Variants in CHD6 observed in about 807,000 individuals in gnomAD.
The protein encoded by CHD6 is ATP-dependent chromatin remodeler CHD6.
CHD6 carries 50 observed loss-of-function variants against 276.9 expected under a neutral mutation model. That is an observed-to-expected ratio of 0.18 (90% confidence interval 0.14 to 0.23). The LOEUF is 0.23. CHD6 is among the 10% of genes least tolerant of loss of function. The pLI is 1.00. For synonymous variants in CHD6, 1,173 were observed against 1,229.3 expected, an observed-to-expected ratio of 0.95 and a Z score of 0.96; for missense variants, 2,564 against 3,365.8, an observed-to-expected ratio of 0.76 and a Z score of 5.89.
In CHD6 at chr20:41,473,837, T is replaced by C. The variant is rs541800488; in HGVS notation, c.2469-320A>G. Among the ~76,000 whole-genome samples, 2 of 152,268 alleles carry C rather than the reference T, an allele frequency of 1.3e-5. No individual in the cohort carries two copies. Among genetic ancestry groups the C allele is most frequent in the South Asian group, 2.1e-4 (1 of 4,818 alleles). On this transcript the variant is annotated intron_variant, in intron 16 of 36. Coordinates refer to ENST00000373233, the MANE Select transcript of CHD6 (RefSeq NM_032221.5). The surrounding 1 kb of genome is among the most constrained non-coding windows in gnomAD (Gnocchi z 4.1). The stretch of plus-strand genomic sequence containing the variant: ...CGATCCCCATAGCCCAAGCAACTTA[T>C]TCTCTCAAGTATTCCCAGTTTATAC...
chr20:41,565,159 C>A (rs546137013), intron 1 of CHD6, among the ~76,000 whole-genome samples: 1 of 151,116 alleles, frequency 6.6e-6, no homozygotes, highest in African/African-American at 2.4e-5. Flanking sequence ...TGCAGTGGCG[C>A]GATCTCAGCT....
rs184284832 is a variant in CHD6, at chr20:41,470,540, A to G, written c.2664+2782T>C. 2.7e-4 allele frequency among the ~76,000 whole-genome samples: 41 copies of G among 152,306 alleles called. No homozygotes were observed. The East Asian group carries it at 4.3e-3, about 16-fold the overall frequency. On this transcript the variant is annotated intron_variant, in intron 17 of 36. Coordinates refer to ENST00000373233, the MANE Select transcript of CHD6 (RefSeq NM_032221.5). ...GAGGAAGTTCAGAAACTGACTCAACACACTAGTAAAGTTCACACTATCCAA... is the reference window on the plus strand; with the variant it reads ...GAGGAAGTTCAGAAACTGACTCAACGCACTAGTAAAGTTCACACTATCCAA...
In CHD6 at chr20:41,557,534, G is replaced by A. The variant is rs2045254457; in HGVS notation, c.-23-6174C>T. 4.6e-5 allele frequency among the ~76,000 whole-genome samples: 7 copies of A among 151,742 alleles called. 1 individual carries two copies. In the South Asian group the frequency reaches 1.2e-3, roughly 27 times the overall value. ...TTTTAAAAAATAACAAAAAAATCAG[G>A]TTCACCCTATTCAACCATTTATTCA... On this transcript the variant is annotated intron_variant, in intron 1 of 36. Coordinates refer to ENST00000373233, the MANE Select transcript of CHD6 (RefSeq NM_032221.5).
At chr20:41,545,181 T>C (rs909151080) in intron 2 of CHD6, among the ~76,000 whole-genome samples, 2 of 152,158 alleles carry the variant, frequency 1.3e-5, no homozygotes, top group Non-Finnish European at 2.9e-5. Context: ...CATTTAACTC[T>C]TTTCCACGTG....
intron 1 of CHD6, among the ~76,000 whole-genome samples, chr20:41,566,763 T>C (rs758819451): frequency 6.6e-6 from 1 of 152,168 alleles, no homozygotes; most frequent in Non-Finnish European, 1.5e-5. Context: ...CCCTGGGTGG[T>C]GTGTGGTGTC....
rs1262303217 is a variant in CHD6, at chr20:41,445,771, A to G, written c.3774-3T>C. On this transcript the variant is annotated splice_polypyrimidine_tract_variant and splice_region_variant and intron_variant, in intron 24 of 36. Transcript: ENST00000373233. ...CAGGCAGAGGTACATCCAGCTCCCT[A>G]GGGAAGGAAGGGTGTAGACTCAAAA... is the stretch of plus-strand genomic sequence containing the variant. The G allele has an allele frequency of 6.3e-7, 1 of 1,591,804 alleles. No homozygotes were observed. Among genetic ancestry groups the G allele is most frequent in the Non-Finnish European group, 8.6e-7 (1 of 1,159,814 alleles).
chr20:41,451,787 G>C, intron 22 of CHD6, 39 bp downstream of exon 22: 1 of 1,569,044 alleles, frequency 6.4e-7, no homozygotes, highest in South Asian at 1.1e-5. Flanking sequence ...GAAGTGCATG[G>C]GAATCGTGCT....
chr20:41,477,709 A>C (rs2145803231), intron 16 of CHD6, among the ~76,000 whole-genome samples: 1 of 152,338 alleles, frequency 6.6e-6, no homozygotes, highest in South Asian at 2.1e-4. Context: ...TTTGATTTGA[A>C]GAAGGCAGAA....
Position 41,423,602 on chromosome 20 carries a change from C to T in CHD6, c.4445G>A (p.Arg1482His). The T allele has an allele frequency of 6.2e-7, 1 of 1,614,174 alleles. No individual in the cohort carries two copies. Among genetic ancestry groups the T allele is most frequent in the Non-Finnish European group, 8.5e-7 (1 of 1,179,990 alleles). Residue 1482 changes from arginine (R) to histidine (H), a missense_variant, in exon 30 of 37, where the codon CGC becomes CAC. Coordinates refer to ENST00000373233, the MANE Select transcript of CHD6 (RefSeq NM_032221.5). Reference sequence around the variant, plus strand: ...CTTCTTGTCCAAACGGGAAATGATGCGGAACTGTGTCCAGTCAAAGGTTTT... The same window carrying T: ...CTTCTTGTCCAAACGGGAAATGATGTGGAACTGTGTCCAGTCAAAGGTTTT... ...EKKTFDWTQF[R>H]IISRLDKKSD...
At chr20:41,518,527 C>T (rs1051045548) in intron 3 of CHD6, among the ~76,000 whole-genome samples, 2 of 152,100 alleles carry the variant, frequency 1.3e-5, no homozygotes, top group Non-Finnish European at 2.9e-5. Context: ...CAGACAGAAG[C>T]TGGGGGTTAG....
At chr20:41,516,036 A>T (rs2044242590) in intron 3 of CHD6, among the ~76,000 whole-genome samples, 1 of 152,188 alleles carries the variant, frequency 6.6e-6, no homozygotes, top group Non-Finnish European at 1.5e-5. Context: ...TAATTCTGAC[A>T]GACAGTAGTA....
In CHD6 at chr20:41,489,886, C is replaced by T. The variant is rs1803973451; in HGVS notation, c.1572G>A (p.Trp524Ter). Residue 524 changes from tryptophan (W) to a stop codon, truncating the protein, a stop_gained, in exon 12 of 37, where the codon TGG becomes TGA. Transcript: ENST00000373233. LOFTEE classifies it high-confidence loss of function. ...CTGTCCATGTCCGGAACTCCCGCTCCCAGTTAGTGATGGTGGAGAGAGGGG... is the reference window on the plus strand; with the variant it reads ...CTGTCCATGTCCGGAACTCCCGCTCTCAGTTAGTGATGGTGGAGAGAGGGG... ...IIAPLSTITN[W>*]EREFRTWTEM... The T allele has an allele frequency of 6.2e-7, 1 of 1,613,984 alleles. No individual in the cohort carries two copies. The highest frequency in any genetic ancestry group is 8.5e-7 in the Non-Finnish European group (1 of 1,179,958).
At chr20:41,427,847 T>C (rs2047414258) in intron 27 of CHD6, among the ~76,000 whole-genome samples, 1 of 152,364 alleles carries the variant, frequency 6.6e-6, no homozygotes, top group African/African-American at 2.4e-5. Context: ...CTTATATAAT[T>C]TCCTGCCAGA....
chr20:41,618,072 A>G (rs1323505148), intron 1 of CHD6, among the ~76,000 whole-genome samples: 4 of 148,560 alleles, frequency 2.7e-5, no homozygotes, highest in African/African-American at 7.3e-5. Context: ...GCCCGAGCGA[A>G]AGCGGGAGCG....
chr20:41,414,769 G>A (rs893763620), intron 34 of CHD6: 1 of 1,016,404 alleles, frequency 9.8e-7, no homozygotes, highest in African/African-American at 1.7e-5. Context: ...AAGTCAAGCA[G>A]AAGAGCCAGG....
In CHD6 at chr20:41,405,085, C is replaced by T. The variant is rs763662372; in HGVS notation, c.7656G>A (p.Ala2552=). ...MATTCTSTAP[A]SLSSTTKSGT... is the part of the protein sequence containing the mutation. ...CACTTTTCGTTGTGCTTGATAGAGA[C>T]GCCGGAGCAGTGGAAGTGCAGGTGG... Residue 2552 remains alanine (A), a synonymous_variant, in exon 37 of 37, where the codon GCG becomes GCA. Transcript: ENST00000373233. 1.7e-5 allele frequency: 27 copies of T among 1,614,098 alleles called. No homozygotes were observed. Among genetic ancestry groups the T allele is most frequent in the African/African-American group, 5.3e-5 (4 of 74,924 alleles).
At chr20:41,426,234 T>A (rs1600830217) in intron 27 of CHD6, 81 bp from the exon 28 acceptor site, 1 of 985,092 alleles carries the variant, frequency 1.0e-6, no homozygotes, top group Non-Finnish European at 1.6e-6. Context: ...ACGGAAAGAG[T>A]AAGCATCACG....
At chr20:41,470,829 G>A (rs1006019006) in intron 17 of CHD6, among the ~76,000 whole-genome samples, 1 of 152,182 alleles carries the variant, frequency 6.6e-6, no homozygotes, top group Admixed American at 6.5e-5. Context: ...CTTCACCTAG[G>A]TGAAGCATGG....
At chr20:41,581,144 A>C (rs1410555553) in intron 1 of CHD6, among the ~76,000 whole-genome samples, 1 of 152,242 alleles carries the variant, frequency 6.6e-6, no homozygotes, top group Non-Finnish European at 1.5e-5. Context: ...TTAAGGTAGA[A>C]TGCAGCAGCT....
Sources: gnomAD v4.1 joint callset for allele counts (sites outside exome capture counted in the v4.1 genomes callset) on GRCh38, gnomAD v4.1.1 for gene constraint, Gnocchi (gnomAD v3.1) non-coding constraint, MANE v1.5 for transcripts, NCBI Gene and HGNC (gene_info 2026-07-23, HGNC 2026-07-21) for gene names.